Variants in COPS9 observed in about 807,000 individuals in gnomAD.
The protein encoded by COPS9 is COP9 signalosome subunit 9.
Under a neutral mutation model 7.2 loss-of-function variants are expected in COPS9, and 8 were observed. The observed-to-expected ratio is 1.11, with a 90% CI of 0.65 to 2.00. COPS9 has a LOEUF of 2.00. COPS9 is among the 30% of genes most tolerant of loss of function. The pLI is 0.00. For synonymous variants in COPS9, 39 were observed against 28.7 expected, an observed-to-expected ratio of 1.36 and a Z score of -1.14; for missense variants, 74 against 77.7, an observed-to-expected ratio of 0.95 and a Z score of 0.18.
rs143412119 is a variant in COPS9, at chr2:240,133,228, G to A, written c.136+705C>T. ...AATGCCACCTCACTCTCTGGAGTAA[G>A]AAACCTATCTTATTTACTTATTATT... On this transcript the variant is annotated intron_variant, in intron 2 of 2. Coordinates refer to ENST00000607357, the MANE Select transcript of COPS9 (RefSeq NM_001163424.2). Among the ~76,000 whole-genome samples the A allele has an allele frequency of 3.3e-5, 5 of 152,364 alleles. No individual in the cohort carries two copies. In the East Asian group the frequency reaches 9.6e-4, roughly 29 times the overall value.
At chr2:240,130,718 C>T, downstream of COPS9, 1 of 1,007,660 alleles carries the variant, frequency 9.9e-7, no homozygotes. Flanking sequence ...AAATGTGGTT[C>T]TCTCAGCGTG....
At chr2:240,129,163 G>A (rs1574945813), downstream of COPS9, among the ~76,000 whole-genome samples, 1 of 152,194 alleles carries the variant, frequency 6.6e-6, no homozygotes, top group African/African-American at 2.4e-5. Flanking sequence ...GAGGCCCAGA[G>A]AAACATTTCT....
downstream of COPS9, among the ~76,000 whole-genome samples, chr2:240,130,515 C>G (rs1002519284): frequency 3.3e-5 from 5 of 152,220 alleles, no homozygotes; most frequent in African/African-American, 4.8e-5. Context: ...GCTGCCCTGA[C>G]GTGGAGGCCA....
downstream of COPS9, chr2:240,126,845 T>C (rs1351614392): frequency 6.2e-7 from 1 of 1,614,216 alleles, no homozygotes; most frequent in South Asian, 1.1e-5. Context: ...GTTCTCTGCA[T>C]CTGGTAAACA....
chr2:240,128,118 C>T (rs187577851), downstream of COPS9, among the ~76,000 whole-genome samples: 6 of 152,330 alleles, frequency 3.9e-5, no homozygotes, highest in South Asian at 2.1e-4. Flanking sequence ...GCGGGCAAAG[C>T]GCACAGCTCG....
At position 240,135,933 on chromosome 2, in the gene COPS9, G is replaced by A. The variant is rs2071973070; in HGVS notation, c.63+289C>T. The A allele has an allele frequency of 1.3e-5, 6 of 469,582 alleles. No homozygotes were observed. The South Asian group carries it at 2.2e-4, about 17-fold the overall frequency. 29.1% of individuals were successfully genotyped at this position (469,582 alleles called of 1,614,324 possible). A position where few individuals can be genotyped will look rare whatever the true frequency, so the allele number is the denominator to read the frequency against. ...AGCAAACGCAACTCCTCTGACCACG[G>A]GTGTGTTCCCGGGGGCCGTGGGGGC... is the stretch of plus-strand genomic sequence containing the variant. On this transcript the variant is annotated intron_variant, in intron 1 of 2. Transcript: ENST00000607357.
downstream of COPS9, among the ~76,000 whole-genome samples, chr2:240,129,255 T>C (rs536893949): frequency 6.6e-6 from 1 of 152,330 alleles, no homozygotes; most frequent in Non-Finnish European, 1.5e-5. Flanking sequence ...CCTGAACTCC[T>C]GGGCTGAAGT....
At chr2:240,127,060 G>A, downstream of COPS9, 1 of 1,298,112 alleles carries the variant, frequency 7.7e-7, no homozygotes, top group Admixed American at 2.2e-5. Flanking sequence ...TTTCTACAAG[G>A]TACAGGAACT....
At chr2:240,129,367 T>G (rs983818510), downstream of COPS9, among the ~76,000 whole-genome samples, 3 of 152,354 alleles carry the variant, frequency 2.0e-5, no homozygotes, top group African/African-American at 7.2e-5. Context: ...GGTCTCGTTC[T>G]GTTGCCCAGG....
chr2:240,127,906 A>G (rs1456918063), downstream of COPS9, among the ~76,000 whole-genome samples: 1 of 151,924 alleles, frequency 6.6e-6, no homozygotes, highest in African/African-American at 2.4e-5. Flanking sequence ...CTGCCCCCCA[A>G]GTGACAGCCA....
downstream of COPS9, chr2:240,126,942 T>TG (rs1344200677): frequency 6.2e-7 from 1 of 1,609,304 alleles, no homozygotes; most frequent in African/African-American, 1.3e-5. Context: ...TTCACATCTC[T>TG]GGGGAGAGAC....
intron 2 of COPS9, among the ~76,000 whole-genome samples, chr2:240,133,712 G>A (rs536071163): frequency 6.6e-6 from 1 of 152,332 alleles, no homozygotes; most frequent in East Asian, 1.9e-4. Context: ...CTGCAAGCTG[G>A]GAACAATTTC....
rs143916350 is a variant in COPS9, at chr2:240,134,739, G to C, written c.64-734C>G. The stretch of plus-strand genomic sequence containing the variant: ...CTTTCAGACACTCTCAGAAAAGCCA[G>C]GACACTCAGTCTCCTCCCCTGGCTT... On this transcript the variant is annotated intron_variant, in intron 1 of 2. Transcript: ENST00000607357. Among the ~76,000 whole-genome samples the C allele has an allele frequency of 1.1e-4, 16 of 152,190 alleles. No individual in the cohort carries two copies. The East Asian group carries it at 3.1e-3, about 29-fold the overall frequency.
downstream of COPS9, chr2:240,126,566 C>G: frequency 4.3e-6 from 7 of 1,611,486 alleles, no homozygotes; most frequent in Non-Finnish European, 5.9e-6. Flanking sequence ...CTGCATCCTA[C>G]CTCACATCTA....
In COPS9 at chr2:240,134,009, G is replaced by A. The variant is rs1455488006; in HGVS notation, c.64-4C>T. On this transcript the variant is annotated splice_region_variant and splice_polypyrimidine_tract_variant and intron_variant, in intron 1 of 2. Transcript: ENST00000607357. ...AGAGCCCGGTGCTGCCTCCCGCCTG[G>A]GGAATGGAAAGGCAAGGTTATGTCA... 5 of 1,614,110 alleles carry A rather than the reference G, an allele frequency of 3.1e-6. No individual in the cohort carries two copies. The Admixed American group carries it at 8.3e-5, about 27-fold the overall frequency.
chr2:240,129,276 C>T (rs1293778699), downstream of COPS9, among the ~76,000 whole-genome samples: 4 of 152,226 alleles, frequency 2.6e-5, no homozygotes, highest in African/African-American at 9.6e-5. Context: ...GATCCTCCTG[C>T]CCTAGCCTCC....
At chr2:240,129,972 C>T (rs760411692), downstream of COPS9, 20 of 1,613,892 alleles carry the variant, frequency 1.2e-5, no homozygotes, top group South Asian at 1.3e-4. Flanking sequence ...CGACTGCCCT[C>T]GCTGCAGTGC....
At chr2:240,131,180 C>G (rs1559478406) in intron 2 of COPS9, 92 bp from the exon 3 acceptor site, 1 of 1,346,548 alleles carries the variant, frequency 7.4e-7, no homozygotes, top group Non-Finnish European at 1.0e-6. Context: ...GTCCAAAATA[C>G]AGAGATAATC....
At chr2:240,136,042 CT>C in intron 1 of COPS9, 179 bp downstream of exon 1, 1 of 1,069,472 alleles carries the variant, frequency 9.4e-7, no homozygotes, top group South Asian at 2.1e-5. Context: ...CGGTCGCCGC[CT>C]TTCACCAGGT....
Sources: gnomAD v4.1 joint callset for allele counts (sites outside exome capture counted in the v4.1 genomes callset) on GRCh38, gnomAD v4.1.1 for gene constraint, MANE v1.5 for transcripts, NCBI Gene and HGNC (gene_info 2026-07-23, HGNC 2026-07-21) for gene names.